FOLR2: variants seen among roughly 807,000 people sequenced by gnomAD.
The protein encoded by FOLR2 is folate receptor 2 (fetal).
In FOLR2, 14 loss-of-function variants were observed where a neutral mutation model predicts 20.4. That is an observed-to-expected ratio of 0.68 (90% CI 0.45 to 1.07). The LOEUF is 1.07. Ranked by LOEUF, FOLR2 falls within the 50% of genes least tolerant of loss-of-function variation. The pLI is 0.00. For synonymous variants in FOLR2, 114 were observed against 114.3 expected, an observed-to-expected ratio of 1.00 and a Z score of 0.02; for missense variants, 269 against 322.6, an observed-to-expected ratio of 0.83 and a Z score of 1.27.
At chr11:72,221,375 G>A (rs945166953) in intron 4 of FOLR2, 64 bp downstream of exon 4, 12 of 1,599,540 alleles carry the variant, frequency 7.5e-6, no homozygotes, top group African/African-American at 2.7e-5. Context: ...AAATCTTCAA[G>A]GATTTGGGGT....
Position 72,221,067 on chromosome 11 carries a change from T to TCTC in FOLR2, c.339+11_339+13dup. ...GGCCCTGGATCCAGCAGGTAGGGTGTCTCCCCCCCACCCACCCCAGCAGAC... is the reference window on the plus strand; with the variant it reads ...GGCCCTGGATCCAGCAGGTAGGGTGTCTCCTCCCCCCCACCCACCCCAGCAGAC... On this transcript the variant is annotated intron_variant, in intron 3 of 4. Transcript: ENST00000298223. 3 of 1,570,112 alleles carry TCTC rather than the reference T, an allele frequency of 1.9e-6. No individual in the cohort carries two copies. Among genetic ancestry groups the TCTC allele is most frequent in the South Asian group, 1.1e-5 (1 of 87,004 alleles).
chr11:72,220,375 T>C (rs1193522826), intron 2 of FOLR2, among the ~76,000 whole-genome samples: 1 of 152,232 alleles, frequency 6.6e-6, no homozygotes, highest in Non-Finnish European at 1.5e-5. Context: ...CCTGCTCATA[T>C]CATTTAACTT....
Position 72,221,067 on chromosome 11 carries a change from T to TCGGGGGGGCGCCCCCCCCCCCCCCCCC in FOLR2, c.339+10_339+11insGGGGGGGCGCCCCCCCCCCCCCCCCCC. The TCGGGGGGGCGCCCCCCCCCCCCCCCCC allele has an allele frequency of 1.3e-6, 2 of 1,570,118 alleles. No individual in the cohort carries two copies. Among genetic ancestry groups the TCGGGGGGGCGCCCCCCCCCCCCCCCCC allele is most frequent in the Non-Finnish European group, 8.7e-7 (1 of 1,154,914 alleles). The stretch of plus-strand genomic sequence containing the variant: ...GGCCCTGGATCCAGCAGGTAGGGTG[T>TCGGGGGGGCGCCCCCCCCCCCCCCCCC]CTCCCCCCCACCCACCCCAGCAGAC... On this transcript the variant is annotated intron_variant, in intron 3 of 4. Coordinates refer to ENST00000298223, the MANE Select transcript of FOLR2 (RefSeq NM_000803.5).
chr11:72,221,089 A>T (rs1948482472), intron 3 of FOLR2, 31 bp downstream of exon 3: 1 of 419,282 alleles, frequency 2.4e-6, no homozygotes, highest in African/African-American at 5.8e-5. Flanking sequence ...CCACCCCAGC[A>T]GACTGCCATC....
chr11:72,219,979 C>G (rs1948456479), intron 2 of FOLR2, among the ~76,000 whole-genome samples: 1 of 151,962 alleles, frequency 6.6e-6, no homozygotes, highest in African/African-American at 2.4e-5. Flanking sequence ...TCCCAAGTAG[C>G]TGGGGCACCC....
chr11:72,219,977 AG>A (rs1156764912), intron 2 of FOLR2, among the ~76,000 whole-genome samples: 1 of 151,680 alleles, frequency 6.6e-6, no homozygotes, highest in African/African-American at 2.4e-5. Context: ...CCTCCCAAGT[AG>A]CTGGGGCACC....
Position 72,221,727 on chromosome 11 carries a change from C to A in FOLR2, c.733C>A (p.Leu245Met), listed in dbSNP as rs773812625. 3.1e-6 allele frequency: 5 copies of A among 1,613,968 alleles called. No homozygotes were observed. The Admixed American group carries it at 8.3e-5, about 27-fold the overall frequency. The change falls in exon 5 of 5, where the codon CTG becomes ATG. Residue 245 changes from leucine to methionine, a missense_variant. Leu to Met is a conservative substitution (Grantham distance 15, BLOSUM62 2). Coordinates refer to ENST00000298223, the MANE Select transcript of FOLR2 (RefSeq NM_000803.5). ...LHGTGGLLLS[L>M]ALMLQLWLLG ...TGGGACTGGGGGTCTCCTGCTCAGT[C>A]TGGCCCTGATGCTGCAACTCTGGCT...
At position 72,218,421 on chromosome 11, in the gene FOLR2, A is replaced by G. The variant is rs529129567; in HGVS notation, c.-24-140A>G. 5.2e-5 allele frequency: 36 copies of G among 694,542 alleles called. No homozygotes were observed. In the African/African-American group the frequency reaches 5.9e-4, roughly 11 times the overall value. 43.0% of individuals were successfully genotyped at this position (694,542 alleles called of 1,614,324 possible). A position where few individuals can be genotyped will look rare whatever the true frequency, so the allele number is the denominator to read the frequency against. On this transcript the variant is annotated intron_variant, in intron 1 of 4. Coordinates refer to ENST00000298223, the MANE Select transcript of FOLR2 (RefSeq NM_000803.5). ...GGTCAACCCTCTCTACCCTAGCCTC[A>G]GGGAGCTTCAGGGCCCCAGCATTGA...
At position 72,221,067 on chromosome 11, in the gene FOLR2, T is replaced by TCGGGGGGGCG; in HGVS notation, c.339+10_339+11insGGGGGGGCGC. ...GGCCCTGGATCCAGCAGGTAGGGTG[T>TCGGGGGGGCG]CTCCCCCCCACCCACCCCAGCAGAC... On this transcript the variant is annotated intron_variant, in intron 3 of 4. Transcript: ENST00000298223. 6.4e-7 allele frequency: 1 copy of TCGGGGGGGCG among 1,570,116 alleles called. No homozygotes were observed. The highest frequency in any genetic ancestry group is 8.7e-7 in the Non-Finnish European group (1 of 1,154,912).
intron 1 of FOLR2, 70 bp from the exon 2 acceptor site, chr11:72,218,491 C>T: frequency 7.1e-7 from 1 of 1,410,876 alleles, no homozygotes; most frequent in Non-Finnish European, 9.8e-7. Context: ...GTTGGGGAGA[C>T]TGAGGCAGGA....
chr11:72,218,397 G>A, intron 1 of FOLR2, 164 bp from the exon 2 acceptor site: 1 of 619,494 alleles, frequency 1.6e-6, no homozygotes, highest in Non-Finnish European at 2.8e-6. Context: ...AGCCCTCCTG[G>A]TCAACCCTCT....
chr11:72,219,185 C>A (rs1461129851), intron 2 of FOLR2, among the ~76,000 whole-genome samples: 1 of 152,122 alleles, frequency 6.6e-6, no homozygotes, highest in African/African-American at 2.4e-5. Flanking sequence ...GAGTCGCTGG[C>A]TTTTCCCACC....
In FOLR2 at chr11:72,221,227, G is replaced by C. The variant is rs1025089511; in HGVS notation, c.391G>C (p.Glu131Gln). ...CTTCCTGGATGTGCCCTTATGCAAA[G>C]AGGACTGTCAGCGCTGGTGGGAGGA... ...ERFLDVPLCK[E>Q]DCQRWWEDCH... The change falls in exon 4 of 5, where the codon GAG becomes CAG. Residue 131 changes from glutamate (E) to glutamine (Q), a missense_variant. Physicochemically the swap from Glu to Gln is conservative, Grantham distance 29 (BLOSUM62 2). Coordinates refer to ENST00000298223, the MANE Select transcript of FOLR2 (RefSeq NM_000803.5). The C allele has an allele frequency of 6.2e-7, 1 of 1,613,780 alleles. No individual in the cohort carries two copies. The highest frequency in any genetic ancestry group is 1.1e-5 in the South Asian group (1 of 91,042).
intron 1 of FOLR2, among the ~76,000 whole-genome samples, chr11:72,217,904 C>T (rs1948418145): frequency 6.6e-6 from 1 of 152,098 alleles, no homozygotes; most frequent in African/African-American, 2.4e-5. Flanking sequence ...AGGGTGAGGT[C>T]TGCTGCATTA....
Position 72,221,069 on chromosome 11 carries a change from T to TGCCCC in FOLR2, c.339+11_339+12insGCCCC. The TGCCCC allele has an allele frequency of 9.8e-6, 7 of 717,302 alleles. No homozygotes were observed. The highest frequency in any genetic ancestry group is 1.4e-5 in the South Asian group (1 of 69,404). The allele number at this position is 717,302 out of a possible 1,614,324, so 44.4% of individuals were successfully genotyped here. A position where few individuals can be genotyped will look rare whatever the true frequency, so the allele number is the denominator to read the frequency against. The stretch of plus-strand genomic sequence containing the variant: ...CCCTGGATCCAGCAGGTAGGGTGTC[T>TGCCCC]CCCCCCCACCCACCCCAGCAGACTG... On this transcript the variant is annotated intron_variant, in intron 3 of 4. Transcript: ENST00000298223.
intron 2 of FOLR2, among the ~76,000 whole-genome samples, chr11:72,219,309 G>C (rs887760702): frequency 6.6e-6 from 1 of 152,200 alleles, no homozygotes; most frequent in African/African-American, 2.4e-5. Flanking sequence ...ATGTATGCCA[G>C]GGGATTGCAG....
Position 72,221,069 on chromosome 11 carries a change from T to TACA in FOLR2, c.339+11_339+12insACA. 1 of 717,302 alleles carries TACA rather than the reference T, an allele frequency of 1.4e-6. No individual in the cohort carries two copies. Among genetic ancestry groups the TACA allele is most frequent in the Non-Finnish European group, 2.2e-6 (1 of 458,082 alleles). 44.4% of individuals were successfully genotyped at this position (717,302 alleles called of 1,614,324 possible). ...CCCTGGATCCAGCAGGTAGGGTGTC[T>TACA]CCCCCCCACCCACCCCAGCAGACTG... is the stretch of plus-strand genomic sequence containing the variant. On this transcript the variant is annotated intron_variant, in intron 3 of 4. Coordinates refer to ENST00000298223, the MANE Select transcript of FOLR2 (RefSeq NM_000803.5).
chr11:72,217,099 A>G (rs541734217), intron 1 of FOLR2, among the ~76,000 whole-genome samples, 174 bp downstream of exon 1: 3 of 152,172 alleles, frequency 2.0e-5, no homozygotes, highest in South Asian at 2.1e-4. Flanking sequence ...ATCTTGGCTC[A>G]CTGCAACCTC....
At chr11:72,220,221 C>T (rs59825932) in intron 2 of FOLR2, among the ~76,000 whole-genome samples, 1,907 of 152,330 alleles carry the variant, frequency 0.013, 44 homozygotes, top group African/African-American at 0.043. Flanking sequence ...ACTGGGGACA[C>T]AGATCTTACT....
Sources: gnomAD v4.1 joint callset for allele counts (sites outside exome capture counted in the v4.1 genomes callset) on GRCh38, gnomAD v4.1.1 for gene constraint, MANE v1.5 for transcripts, NCBI Gene and HGNC (gene_info 2026-07-23, HGNC 2026-07-21) for gene names.